ABCA1: variants seen among roughly 807,000 people sequenced by gnomAD.
ABCA1 encodes the protein ATP binding cassette subfamily A member 1.
A neutral mutation model predicts 262.5 loss-of-function variants in ABCA1; 133 were observed. The observed-to-expected ratio is 0.51, with a 90% CI of 0.44 to 0.59. The LOEUF is 0.59. Among genes scored for constraint, ABCA1 ranks in the 20% least tolerant of loss-of-function variants. The pLI is 0.00. For synonymous variants in ABCA1, 1,022 were observed against 1,043.5 expected (o/e 0.98, Z 0.40); for missense variants, 2,452 against 2,777.5 (o/e 0.88, Z 2.63).
In ABCA1 at chr9:104,867,281, G is replaced by A. The variant is rs115830426; in HGVS notation, c.422-5481C>T. On this transcript the variant is annotated intron_variant, in intron 5 of 49. Transcript: ENST00000374736. ...TAAATGATAAAATGGAGATGACAAT[G>A]GCATCCACCTCATTGGACTGAGCTA... Among the ~76,000 whole-genome samples, 1,505 of 152,272 alleles carry A rather than the reference G, an allele frequency of 9.9e-3. 31 individuals are homozygous for A. The highest frequency in any genetic ancestry group is 0.034 in the African/African-American group (1,422 of 41,546).
Position 104,903,645 on chromosome 9 carries a change from C to A in ABCA1, c.35G>T (p.Trp12Leu). The A allele has an allele frequency of 6.3e-7, 1 of 1,590,564 alleles. No homozygotes were observed. The highest frequency in any genetic ancestry group is 8.6e-7 in the Non-Finnish European group (1 of 1,168,022). Residue 12 changes from tryptophan to leucine, a missense_variant, in exon 2 of 50, where the codon TGG (tryptophan) becomes TTG (leucine). This residue lies in a region of ABCA1 where 1,032 missense variants were observed against 1,089.7 expected (regional missense o/e 0.95). Transcript: ENST00000374736. ...ACWPQLRLLL[W>L]KNLTFRRRQT... ...TCTTCTTCTGAAAGTGAGGTTCTTCCACAGCAGCAACCTCAGCTGAGGCCA... is the reference window on the plus strand; with the variant it reads ...TCTTCTTCTGAAAGTGAGGTTCTTCAACAGCAGCAACCTCAGCTGAGGCCA...
chr9:104,831,033 T>A lies in ABCA1; in HGVS notation c.1784A>T (p.Tyr595Phe). 6.2e-7 allele frequency: 1 copy of A among 1,613,322 alleles called. No individual in the cohort carries two copies. The highest frequency in any genetic ancestry group is 8.5e-7 in the Non-Finnish European group (1 of 1,179,930). Residue 595 changes from tyrosine to phenylalanine, a missense_variant, in exon 14 of 50, where the codon TAC becomes TTC. By Grantham distance (22) the Tyr-to-Phe change is conservative. Around this residue, in one of 4 missense-constraint regions of ABCA1, gnomAD observed 1,032 missense variants for 1,089.7 expected, o/e 0.95. Transcript: ENST00000374736. ...DMRYVWGGFAYLQDVVEQAII... is the reference protein window; with the variant it reads ...DMRYVWGGFAFLQDVVEQAII... ...TGCCTGCTCCACCACATCCTGCAAG[T>A]AGGCGAAGCCCCCCCAGACGTACCG...
At chr9:104,883,193 C>T (rs2119172929) in intron 4 of ABCA1, 36 bp from the exon 5 acceptor site, 1 of 1,532,664 alleles carries the variant, frequency 6.5e-7, no homozygotes, top group South Asian at 1.1e-5. Flanking sequence ...AAGGCTTTAG[C>T]TAGGCCAACT....
At chr9:104,833,552 G>A (rs1035281433) in intron 11 of ABCA1, among the ~76,000 whole-genome samples, 9 of 152,010 alleles carry the variant, frequency 5.9e-5, no homozygotes, top group African/African-American at 2.2e-4. Flanking sequence ...TCTAAGATTG[G>A]GTCACACAGC....
intron 5 of ABCA1, among the ~76,000 whole-genome samples, chr9:104,865,515 C>CAAAAAAA (rs925876847): frequency 1.5e-5 from 1 of 66,974 alleles, no homozygotes; most frequent in African/African-American, 5.4e-5. Context: ...GACTCTGTCT[C>CAAAAAAA]AAAAAAAAAA....
In ABCA1 at chr9:104,889,108, G is replaced by A; in HGVS notation, c.154C>T (p.His52Tyr). Reference sequence around the variant, plus strand: ...AACATCCACAGTTACTTACATTCATGTTGTTCATAGGGTGGGTAGCTCAGC... The same window carrying A: ...AACATCCACAGTTACTTACATTCATATTGTTCATAGGGTGGGTAGCTCAGC... The part of the protein sequence containing the change: ...VRLSYPPYEQ[H>Y]ECHFPNKAMP... Residue 52 changes from histidine to tyrosine, a missense_variant, in exon 3 of 50, where the codon CAT becomes TAT. Physicochemically the swap from His to Tyr is moderately conservative, Grantham distance 83 (BLOSUM62 2). Transcript: ENST00000374736. The A allele has an allele frequency of 6.2e-7, 1 of 1,613,744 alleles. No homozygotes were observed. The highest frequency in any genetic ancestry group is 8.5e-7 in the Non-Finnish European group (1 of 1,179,630).
chr9:104,821,007 G>A (rs1161095134), intron 20 of ABCA1, among the ~76,000 whole-genome samples: 2 of 152,224 alleles, frequency 1.3e-5, no homozygotes, highest in Non-Finnish European at 2.9e-5. Flanking sequence ...CACTTTGGGA[G>A]ACCGAGGTGG....
Position 104,819,607 on chromosome 9 carries a change from G to A in ABCA1, c.3220C>T (p.Leu1074=). Reference sequence around the variant, plus strand: ...GCACCTTGTCGGTATTTCAGCAGCAGCTCCCATATTCCCCTGCGGGAGTAA... The same window carrying A: ...GCACCTTGTCGGTATTTCAGCAGCAACTCCCATATTCCCCTGCGGGAGTAA... ...DPYSRRGIWE[L]LLKYRQGRTI... The change falls in exon 22 of 50, where the codon CTG becomes TTG. Residue 1074 remains leucine (L), a synonymous_variant. Coordinates refer to ENST00000374736, the MANE Select transcript of ABCA1 (RefSeq NM_005502.4). 1 of 1,614,182 alleles carries A rather than the reference G, an allele frequency of 6.2e-7. No homozygotes were observed. Among genetic ancestry groups the A allele is most frequent in the Non-Finnish European group, 8.5e-7 (1 of 1,180,036 alleles).
chr9:104,838,812 A>AT lies in ABCA1; in HGVS notation c.1055-1246dup, dbSNP rs892762571. ...TTCTATATGCTGGAAAGATAATAGA[A>AT]TTTTTTTTTTTTTAATGAGGATGCC... On this transcript the variant is annotated intron_variant, in intron 9 of 49. Transcript: ENST00000374736. Among the ~76,000 whole-genome samples, 612 of 146,144 alleles carry AT rather than the reference A, an allele frequency of 4.2e-3. 2 individuals carry two copies. Among genetic ancestry groups the AT allele is most frequent in the African/African-American group, 8.1e-3 (327 of 40,190 alleles).
intron 15 of ABCA1, 36 bp downstream of exon 15, chr9:104,828,879 GT>G (rs760356449): frequency 4.4e-6 from 7 of 1,607,162 alleles, no homozygotes; most frequent in Non-Finnish European, 6.0e-6. Flanking sequence ...CTATTTCGGA[GT>G]TTCCTGGCAG....
chr9:104,847,506 C>G (rs1028781761), intron 7 of ABCA1, among the ~76,000 whole-genome samples: 4 of 152,182 alleles, frequency 2.6e-5, no homozygotes, highest in South Asian at 2.1e-4. Flanking sequence ...AAGTTTACTG[C>G]CAAAACTGGA....
chr9:104,811,050 T>C lies in ABCA1; in HGVS notation c.4051-126A>G, dbSNP rs1039790953. On this transcript the variant is annotated intron_variant, in intron 28 of 49. Coordinates refer to ENST00000374736, the MANE Select transcript of ABCA1 (RefSeq NM_005502.4). ...GACCAACCAGCACGGCAATGAGGAA[T>C]GCAGGGCCTATGACTGTGCTGCACC... 2.2e-5 allele frequency: 31 copies of C among 1,396,816 alleles called. No homozygotes were observed. In the East Asian group the frequency reaches 7.2e-4, roughly 33 times the overall value. 86.5% of individuals were successfully genotyped at this position (1,396,816 alleles called of 1,614,324 possible). A position where few individuals can be genotyped will look rare whatever the true frequency, so the allele number is the denominator to read the frequency against.
rs750398659 is a variant in ABCA1, at chr9:104,827,068, G to A, written c.2217C>T (p.Leu739=). ...CTGCTGCCAGGTTGGCTCTGGAGAA[G>A]AGTGTGCTAATCAGGAAGCACTGCA... ...TILQCFLIST[L]FSRANLAAAC... The change falls in exon 16 of 50, where the codon CTC becomes CTT. Residue 739 remains leucine, a synonymous_variant. Coordinates refer to ENST00000374736, the MANE Select transcript of ABCA1 (RefSeq NM_005502.4). 6.2e-7 allele frequency: 1 copy of A among 1,614,208 alleles called. No homozygotes were observed. Among genetic ancestry groups the A allele is most frequent in the South Asian group, 1.1e-5 (1 of 91,088 alleles).
At chr9:104,878,947 T>C (rs1838383166) in intron 5 of ABCA1, among the ~76,000 whole-genome samples, 1 of 151,914 alleles carries the variant, frequency 6.6e-6, no homozygotes, top group South Asian at 2.1e-4. Context: ...CAGCACTGAT[T>C]ACAATATAGG....
chr9:104,862,651 G>GCACCCGCACCC (rs1564198183), intron 5 of ABCA1, among the ~76,000 whole-genome samples: 1 of 6,722 alleles, frequency 1.5e-4, no homozygotes, highest in African/African-American at 6.7e-4. Context: ...GGCCGGGCCG[G>GCACCCGCACCC]GCCGGGCCGG....
intron 1 of ABCA1, among the ~76,000 whole-genome samples, chr9:104,921,776 T>G (rs1158290453): frequency 1.3e-5 from 2 of 152,210 alleles, no homozygotes; most frequent in Non-Finnish European, 2.9e-5. Context: ...TTTTTCCATA[T>G]TAAGTGGGAT....
chr9:104,875,995 C>A (rs528836716), intron 5 of ABCA1, among the ~76,000 whole-genome samples: 1 of 152,300 alleles, frequency 6.6e-6, no homozygotes, highest in Admixed American at 6.5e-5. Flanking sequence ...TTAAAAGGTA[C>A]TGGTGTGGCC....
intron 2 of ABCA1, among the ~76,000 whole-genome samples, chr9:104,895,087 A>G (rs1324166366): frequency 6.6e-6 from 1 of 152,220 alleles, no homozygotes; most frequent in African/African-American, 2.4e-5. Context: ...ATAGCTTGGA[A>G]ATGAAGTTGA....
chr9:104,837,517 G>C lies in ABCA1; in HGVS notation c.1105C>G (p.Arg369Gly), dbSNP rs1330988062. The C allele has an allele frequency of 6.2e-7, 1 of 1,613,932 alleles. No individual in the cohort carries two copies. The highest frequency in any genetic ancestry group is 8.5e-7 in the Non-Finnish European group (1 of 1,179,976). The change falls in exon 10 of 50, where the codon CGC (arginine) becomes GGC (glycine). Residue 369 changes from arginine to glycine, a missense_variant. Physicochemically the swap from Arg to Gly is moderately radical, Grantham distance 125. Around this residue, in one of 4 missense-constraint regions of ABCA1, gnomAD observed 1,032 missense variants for 1,089.7 expected, o/e 0.95. Transcript: ENST00000374736. ...MKNLESSPLSRIIWKALKPLL... is the reference protein window; with the variant it reads ...MKNLESSPLSGIIWKALKPLL... ...GGCTTCAGAGCTTTCCAGATAATGC[G>C]GGAAAGAGGACTAGACTCCAAATTC... is the stretch of plus-strand genomic sequence containing the variant.
Sources: allele counts gnomAD v4.1 joint callset (sites outside exome capture counted in the v4.1 genomes callset), GRCh38; gene constraint gnomAD v4.1.1; regional missense constraint gnomAD v4.1.1; transcripts MANE v1.5; gene names NCBI Gene and HGNC (gene_info 2026-07-23, HGNC 2026-07-21).